KCNJ16: variants seen among roughly 807,000 people sequenced by gnomAD.
The protein encoded by KCNJ16 is inward rectifier potassium channel 16.
In KCNJ16, 15 loss-of-function variants were observed where a neutral mutation model predicts 18.5. That is an observed-to-expected ratio of 0.81 (90% confidence interval 0.54 to 1.25). KCNJ16 has a LOEUF of 1.25. Ranked by LOEUF, KCNJ16 falls within the 50% of genes most tolerant of loss-of-function variation. KCNJ16 has a pLI of 0.00. For synonymous variants in KCNJ16, 174 were observed against 186.5 expected, an observed-to-expected ratio of 0.93 and a Z score of 0.55; for missense variants, 523 against 525.7, an observed-to-expected ratio of 0.99 and a Z score of 0.05.
chr17:70,083,360 T>TATGC (rs1818473906), intron 1 of KCNJ16, among the ~76,000 whole-genome samples: 1 of 150,826 alleles, frequency 6.6e-6, no homozygotes, highest in African/African-American at 2.4e-5. Flanking sequence ...TGTGTGTATG[T>TATGC]ATGTATATAC....
intron 2 of KCNJ16, among the ~76,000 whole-genome samples, chr17:70,111,124 A>C (rs1567795038): frequency 1.3e-5 from 2 of 152,214 alleles, no homozygotes; most frequent in Non-Finnish European, 2.9e-5. Flanking sequence ...AGCTGTATAC[A>C]AAAGATATAC....
chr17:70,113,837 TA>T lies in KCNJ16; in HGVS notation c.-191+13079del, dbSNP rs200992148. ...AAAGTGTGATTGGAAGAGAAAGTAT[TA>T]AAAAAAACATGGAAATTCAAGATTC... On this transcript the variant is annotated intron_variant, in intron 2 of 3. Transcript: ENST00000392671. 7.1e-3 allele frequency among the ~76,000 whole-genome samples: 1,083 copies of T among 151,936 alleles called. 6 individuals carry two copies. The highest frequency in any genetic ancestry group is 0.012 in the Admixed American group (187 of 15,240).
rs184101543 is a variant in KCNJ16, at chr17:70,079,721, T to C, written c.-300+4331T>C. Among the ~76,000 whole-genome samples the C allele has an allele frequency of 1.3e-3, 204 of 152,326 alleles. 2 individuals carry two copies. Among genetic ancestry groups the C allele is most frequent in the Admixed American group, 0.013 (203 of 15,300 alleles). On this transcript the variant is annotated intron_variant, in intron 1 of 3. Transcript: ENST00000392671. Reference sequence around the variant, plus strand: ...ATTTTATTATTTATTTTTATGTTTTTAGATGGAGTCTCACTCTATTGCCTA... The same window carrying C: ...ATTTTATTATTTATTTTTATGTTTTCAGATGGAGTCTCACTCTATTGCCTA...
Position 70,132,672 on chromosome 17 carries a change from G to T in KCNJ16, c.585G>T (p.Gly195=), listed in dbSNP as rs760734540. ...TTGCACTTATAGGTATGAGAGATGG[G>T]AAGCTTTGCCTCATGTGGCGCATTG... is the stretch of plus-strand genomic sequence containing the variant. The part of the protein sequence containing the change: ...SYFALIGMRD[G]KLCLMWRIGD... The change falls in exon 4 of 4, where the codon GGG becomes GGT. Residue 195 remains glycine (G), a synonymous_variant. Transcript: ENST00000392671. 6.2e-7 allele frequency: 1 copy of T among 1,614,066 alleles called. No individual in the cohort carries two copies. The highest frequency in any genetic ancestry group is 1.7e-5 in the Admixed American group (1 of 60,004).
intron 1 of KCNJ16, among the ~76,000 whole-genome samples, chr17:70,089,900 TC>T (rs1157824825): frequency 6.6e-6 from 1 of 152,074 alleles, no homozygotes; most frequent in African/African-American, 2.4e-5. Flanking sequence ...AATAACTGCT[TC>T]CACCACTGCA....
chr17:70,110,086 G>A (rs2073120288), intron 2 of KCNJ16, among the ~76,000 whole-genome samples: 1 of 152,180 alleles, frequency 6.6e-6, no homozygotes, highest in South Asian at 2.1e-4. Flanking sequence ...AGATGGAAAT[G>A]TGCTTTTCTG....
At chr17:70,081,959 A>G (rs1370497502) in intron 1 of KCNJ16, among the ~76,000 whole-genome samples, 1 of 152,158 alleles carries the variant, frequency 6.6e-6, no homozygotes, top group Admixed American at 6.6e-5. Flanking sequence ...CCATGCTGCC[A>G]CTCAGTAAAC....
chr17:70,126,250 G>A (rs866744727), intron 2 of KCNJ16, among the ~76,000 whole-genome samples: 1 of 152,054 alleles, frequency 6.6e-6, no homozygotes. Context: ...ACATTTCCTG[G>A]GTCTGTTAGG....
chr17:70,098,758 G>C (rs1287095791), intron 1 of KCNJ16, among the ~76,000 whole-genome samples: 1 of 152,106 alleles, frequency 6.6e-6, no homozygotes, highest in East Asian at 1.9e-4. Flanking sequence ...TAGTAGCTTT[G>C]AAGTTGAATT....
At chr17:70,102,782 C>G (rs985713096) in intron 2 of KCNJ16, among the ~76,000 whole-genome samples, 4 of 152,148 alleles carry the variant, frequency 2.6e-5, no homozygotes, top group Admixed American at 2.6e-4. Flanking sequence ...TTACTCGTCC[C>G]TAGTCAAATC....
intron 1 of KCNJ16, among the ~76,000 whole-genome samples, chr17:70,092,557 G>T (rs62081364): frequency 0.1 from 7,538 of 75,044 alleles, 276 homozygotes; most frequent in Non-Finnish European, 0.13. Flanking sequence ...GATATAGATA[G>T]ATGATAGATA....
intron 1 of KCNJ16, chr17:70,096,764 G>A: frequency 7.8e-6 from 3 of 386,168 alleles, no homozygotes; most frequent in Non-Finnish European, 9.2e-6. Flanking sequence ...CTCAGAGCGA[G>A]CGTGAATGGA....
chr17:70,119,968 C>T (rs2073565975), intron 2 of KCNJ16, among the ~76,000 whole-genome samples: 1 of 152,194 alleles, frequency 6.6e-6, no homozygotes, highest in Admixed American at 6.5e-5. Context: ...CTCTGCTTCC[C>T]TTTTAAATAT....
Position 70,134,697 on chromosome 17 carries a change from G to T in KCNJ16, c.*1353G>T, listed in dbSNP as rs1165566676. ...TTGTGTTTTGTTTTTGTTTTACATTGTTGCTGCACTGGCAATAAGTATGTG... is the reference window on the plus strand; with the variant it reads ...TTGTGTTTTGTTTTTGTTTTACATTTTTGCTGCACTGGCAATAAGTATGTG... On this transcript the variant is annotated 3_prime_UTR_variant, in exon 4 of 4. Coordinates refer to ENST00000392671, the MANE Select transcript of KCNJ16 (RefSeq NM_170741.4). The T allele has an allele frequency of 6.0e-6, 1 of 166,906 alleles. No homozygotes were observed. Among genetic ancestry groups the T allele is most frequent in the Non-Finnish European group, 1.5e-5 (1 of 68,082 alleles). The allele number at this position is 166,906 out of a possible 1,614,324, so 10.3% of individuals were successfully genotyped here. A position where few individuals can be genotyped will look rare whatever the true frequency, so the allele number is the denominator to read the frequency against.
At chr17:70,092,446 C>A (rs1158706645) in intron 1 of KCNJ16, among the ~76,000 whole-genome samples, 3 of 151,744 alleles carry the variant, frequency 2.0e-5, no homozygotes, top group Non-Finnish European at 4.4e-5. Flanking sequence ...GAAATATGTA[C>A]TAGTCCATTG....
chr17:70,089,486 TTTTG>T (rs1384669820), intron 1 of KCNJ16, among the ~76,000 whole-genome samples: 13 of 152,274 alleles, frequency 8.5e-5, no homozygotes, highest in South Asian at 2.1e-4. Flanking sequence ...CATTTAAAAT[TTTTG>T]TTTGTTTGTT....
At chr17:70,125,281 A>C (rs1348143064) in intron 2 of KCNJ16, among the ~76,000 whole-genome samples, 3 of 151,966 alleles carry the variant, frequency 2.0e-5, no homozygotes, top group Non-Finnish European at 4.4e-5. Flanking sequence ...AAGAAAAAAA[A>C]AAAAAGGAGA....
chr17:70,087,546 A>G (rs1180305914), intron 1 of KCNJ16, among the ~76,000 whole-genome samples: 1 of 152,084 alleles, frequency 6.6e-6, no homozygotes, highest in African/African-American at 2.4e-5. Flanking sequence ...TACTAAAAAT[A>G]CAAAAATAAA....
At chr17:70,100,123 T>C (rs1464664611) in intron 1 of KCNJ16, among the ~76,000 whole-genome samples, 1 of 152,200 alleles carries the variant, frequency 6.6e-6, no homozygotes, top group South Asian at 2.1e-4. Flanking sequence ...AAATGGCACC[T>C]GTGAAGTTTG....
Sources: allele counts gnomAD v4.1 joint callset (sites outside exome capture counted in the v4.1 genomes callset), GRCh38; gene constraint gnomAD v4.1.1; transcripts MANE v1.5; gene names NCBI Gene and HGNC (gene_info 2026-07-23, HGNC 2026-07-21).